CACNB2: variants seen among roughly 807,000 people sequenced by gnomAD.
CACNB2 encodes the protein calcium voltage-gated channel auxiliary subunit beta 2, also known as voltage-dependent L-type calcium channel subunit beta-2.
Under a neutral mutation model 73.3 loss-of-function variants are expected in CACNB2, and 42 were observed. The observed-to-expected ratio is 0.57, with a 90% CI of 0.45 to 0.74. The LOEUF (loss-of-function observed/expected upper bound fraction) is 0.74. Among genes scored for constraint, CACNB2 ranks in the 30% least tolerant of loss-of-function variants. CACNB2 has a pLI of 0.00. For synonymous variants in CACNB2, 348 were observed against 310.3 expected (o/e 1.12, Z -1.28); for missense variants, 940 against 853.0 (o/e 1.10, Z -1.27).
chr10:18,534,202 T>C lies in CACNB2; in HGVS notation c.1181T>C (p.Val394Ala). The C allele has an allele frequency of 6.2e-7, 1 of 1,613,504 alleles. No individual in the cohort carries two copies. The highest frequency in any genetic ancestry group is 8.5e-7 in the Non-Finnish European group (1 of 1,179,454). Residue 394 changes from valine to alanine, a missense_variant, in exon 11 of 14, where the codon GTA (valine) becomes GCA (alanine). Transcript: ENST00000324631. ...LSKTSLAPII[V>A]YVKISSPKVL... ...AAAACCTCCTTGGCCCCTATTATAG[T>C]ATATGTAAAGATTTCTTCTCCTAAG... is the stretch of plus-strand genomic sequence containing the variant.
intron 2 of CACNB2, among the ~76,000 whole-genome samples, chr10:18,203,478 G>T (rs2034968946): frequency 6.6e-6 from 1 of 152,088 alleles, no homozygotes; most frequent in Non-Finnish European, 1.5e-5. Flanking sequence ...TCCTTATAAA[G>T]GTAGCAATTT....
At chr10:18,182,561 C>T (rs181540566) in intron 2 of CACNB2, among the ~76,000 whole-genome samples, 3 of 151,276 alleles carry the variant, frequency 2.0e-5, no homozygotes, top group East Asian at 1.9e-4. Context: ...GTGGCTCACA[C>T]CTGTAATCCC....
intron 12 of CACNB2, among the ~76,000 whole-genome samples, chr10:18,536,523 AAG>A (rs1224846291): frequency 8.6e-5 from 13 of 151,780 alleles, no homozygotes; most frequent in Admixed American, 3.3e-4. Context: ...TGGTCTTCCA[AAG>A]TGCTAGGATT....
At chr10:18,212,620 T>G (rs556069549) in intron 2 of CACNB2, among the ~76,000 whole-genome samples, 7 of 152,306 alleles carry the variant, frequency 4.6e-5, no homozygotes, top group African/African-American at 1.7e-4. Context: ...TATTTTTGTT[T>G]GTAATATGAA....
chr10:18,525,018 G>C (rs1029802264), intron 9 of CACNB2, among the ~76,000 whole-genome samples: 4 of 134,884 alleles, frequency 3.0e-5, no homozygotes, highest in African/African-American at 1.1e-4. Flanking sequence ...GGGTGACAGT[G>C]AGATGCTGTC....
chr10:18,401,237 T>G, intron 2 of CACNB2: 21 of 1,000,546 alleles, frequency 2.1e-5, no homozygotes, highest in Non-Finnish European at 3.2e-5. Flanking sequence ...GCTAGGGAGA[T>G]TCCTCTCATT....
At chr10:18,155,140 C>T (rs957791429) in intron 2 of CACNB2, among the ~76,000 whole-genome samples, 12 of 152,182 alleles carry the variant, frequency 7.9e-5, no homozygotes, top group African/African-American at 2.7e-4. Flanking sequence ...CCCTGTGGAG[C>T]CACCACCCAG....
At chr10:18,530,179 G>A (rs1439142106) in intron 10 of CACNB2, among the ~76,000 whole-genome samples, 2 of 152,120 alleles carry the variant, frequency 1.3e-5, no homozygotes, top group Non-Finnish European at 2.9e-5. Context: ...ATGAGATTTC[G>A]GTGGGCACAG....
intron 3 of CACNB2, among the ~76,000 whole-genome samples, chr10:18,452,343 G>A (rs1042182170): frequency 1.3e-5 from 2 of 152,062 alleles, no homozygotes; most frequent in Non-Finnish European, 2.9e-5. Context: ...CAGGAGGATT[G>A]CTTAAGCCCA....
intron 3 of CACNB2, among the ~76,000 whole-genome samples, chr10:18,495,743 T>C (rs1031637545): frequency 1.3e-5 from 2 of 152,108 alleles, no homozygotes; most frequent in African/African-American, 4.8e-5. Flanking sequence ...TTTTGCTTTT[T>C]CATTTTTTTA....
At chr10:18,212,395 A>G (rs1159340194) in intron 2 of CACNB2, among the ~76,000 whole-genome samples, 1 of 152,138 alleles carries the variant, frequency 6.6e-6, no homozygotes, top group Non-Finnish European at 1.5e-5. Context: ...TTTGTAGAAG[A>G]TATTTTTATA....
chr10:18,514,441 C>A, intron 7 of CACNB2, 72 bp downstream of exon 7: 1 of 1,613,532 alleles, frequency 6.2e-7, no homozygotes, highest in Non-Finnish European at 8.5e-7. Flanking sequence ...GTCCTGTTGA[C>A]TGTCTGCGTC....
intron 1 of CACNB2, 28 bp from the exon 2 acceptor site, chr10:18,150,855 C>CTGTTTTTTTTTTTTT: frequency 4.1e-6 from 2 of 483,392 alleles, no homozygotes; most frequent in Non-Finnish European, 6.1e-6. Context: ...TCTTATTTGT[C>CTGTTTTTTTTTTTTT]TTTTTTTTTT....
chr10:18,205,359 C>T (rs894212450), intron 2 of CACNB2, among the ~76,000 whole-genome samples: 1 of 152,168 alleles, frequency 6.6e-6, no homozygotes, highest in Non-Finnish European at 1.5e-5. Flanking sequence ...GTACTAAGCG[C>T]AGCAATTAGC....
chr10:18,430,723 G>T (rs181912240), intron 3 of CACNB2, among the ~76,000 whole-genome samples: 16 of 152,318 alleles, frequency 1.1e-4, no homozygotes, highest in African/African-American at 2.6e-4. Context: ...CCTGTGATCT[G>T]TGTTGCTCTG....
At chr10:18,502,669 G>A (rs568324553) in intron 5 of CACNB2, among the ~76,000 whole-genome samples, 192 of 117,066 alleles carry the variant, frequency 1.6e-3, no homozygotes, top group African/African-American at 6.0e-3. Flanking sequence ...CCAGCCTGGC[G>A]ACAGAGCAAG....
intron 2 of CACNB2, among the ~76,000 whole-genome samples, chr10:18,321,150 T>C (rs1274016367): frequency 6.6e-6 from 1 of 152,204 alleles, no homozygotes; most frequent in Non-Finnish European, 1.5e-5. Context: ...TGAGGACTTC[T>C]GGTGCATCCC....
At position 18,541,822 on chromosome 10, in the gene CACNB2, ACT is replaced by A. The variant is rs2054082913; in HGVS notation, c.*2099_*2100del. The A allele has an allele frequency of 6.6e-6, 1 of 151,944 alleles. No homozygotes were observed. Among genetic ancestry groups the A allele is most frequent in the Non-Finnish European group, 1.5e-5 (1 of 68,006 alleles). 9.4% of individuals were successfully genotyped at this position (151,944 alleles called of 1,614,324 possible). On this transcript the variant is annotated 3_prime_UTR_variant, in exon 14 of 14. Transcript: ENST00000324631. ...GCCTGCAGTAAGCCAAGATCACACC[ACT>A]GTACTCCAGCCTGGGTGACAGAGTG...
intron 3 of CACNB2, among the ~76,000 whole-genome samples, chr10:18,452,535 G>T (rs868402993): frequency 1.3e-5 from 2 of 152,152 alleles, no homozygotes; most frequent in Middle Eastern, 3.2e-3. Context: ...GGTTATCAAG[G>T]TTGACCTTTT....
Sources: allele counts gnomAD v4.1 joint callset (sites outside exome capture counted in the v4.1 genomes callset), GRCh38; gene constraint gnomAD v4.1.1; transcripts MANE v1.5; gene names NCBI Gene and HGNC (gene_info 2026-07-23, HGNC 2026-07-21).